ADAM10: variants seen among roughly 807,000 people sequenced by gnomAD.
The protein encoded by ADAM10 is ADAM metallopeptidase domain 10.
Under a neutral mutation model 90.1 loss-of-function variants are expected in ADAM10, and 17 were observed. That is an observed-to-expected ratio of 0.19 (90% CI 0.13 to 0.28). The LOEUF (loss-of-function observed/expected upper bound fraction) is 0.28, where lower values mean the gene tolerates loss of function less well. Ranked by LOEUF, ADAM10 falls within the 10% of genes least tolerant of loss-of-function variation. The pLI is 1.00. For missense variants in ADAM10, 610 were observed against 914.3 expected, an observed-to-expected ratio of 0.67 and a Z score of 4.29; for synonymous variants, 310 against 298.6, an observed-to-expected ratio of 1.04 and a Z score of -0.40.
At chr15:58,602,393 C>G (rs1895135158) in intron 14 of ADAM10, among the ~76,000 whole-genome samples, 1 of 152,106 alleles carries the variant, frequency 6.6e-6, no homozygotes, top group Non-Finnish European at 1.5e-5. Flanking sequence ...CACAGGGGTG[C>G]AATTCTCACC....
intron 2 of ADAM10, chr15:58,692,863 GCTT>G: frequency 1.5e-6 from 1 of 671,838 alleles, no homozygotes; most frequent in South Asian, 1.4e-5. Context: ...CTCCATAAAT[GCTT>G]CAGTACCAGA....
In ADAM10 at chr15:58,594,209, TAATG is replaced by T. The variant is rs1894892930; in HGVS notation, c.*3334_*3337del. ...GAAACCTTGACCCTTTAAATATGGA[TAATG>T]AATATCTCTTCTTGTACTCCTCCAG... On this transcript the variant is annotated 3_prime_UTR_variant, in exon 16 of 16. Coordinates refer to ENST00000260408, the MANE Select transcript of ADAM10 (RefSeq NM_001110.4). 6.6e-6 allele frequency: 1 copy of T among 152,198 alleles called. No individual in the cohort carries two copies. The highest frequency in any genetic ancestry group is 1.5e-5 in the Non-Finnish European group (1 of 68,028). The allele number at this position is 152,198 out of a possible 1,614,324, so 9.4% of individuals were successfully genotyped here. A position where few individuals can be genotyped will look rare whatever the true frequency, so the allele number is the denominator to read the frequency against.
At chr15:58,678,523 C>A (rs1897346554) in intron 4 of ADAM10, among the ~76,000 whole-genome samples, 1 of 152,054 alleles carries the variant, frequency 6.6e-6, no homozygotes. Flanking sequence ...TTCCCAATAA[C>A]TGGATAACTG....
intron 2 of ADAM10, among the ~76,000 whole-genome samples, chr15:58,713,575 A>G (rs56379250): frequency 0.082 from 12,527 of 152,264 alleles, 518 homozygotes; most frequent in East Asian, 0.096. Flanking sequence ...TAAGTGAGCA[A>G]TCCAATTCAT....
intron 2 of ADAM10, among the ~76,000 whole-genome samples, chr15:58,713,697 A>AGTAAGTATT (rs1315913541): frequency 2.6e-5 from 4 of 152,198 alleles, no homozygotes; most frequent in Non-Finnish European, 4.4e-5. Flanking sequence ...TTAATCTTCT[A>AGTAAGTATT]GTAAGTATTA....
At chr15:58,603,559 A>G (rs1392258402) in intron 14 of ADAM10, among the ~76,000 whole-genome samples, 2 of 152,132 alleles carry the variant, frequency 1.3e-5, no homozygotes, top group Non-Finnish European at 2.9e-5. Flanking sequence ...CATCTTCAAT[A>G]TATTTCCTTC....
At chr15:58,618,122 T>C (rs1178788074) in intron 11 of ADAM10, among the ~76,000 whole-genome samples, 1 of 152,084 alleles carries the variant, frequency 6.6e-6, no homozygotes, top group Non-Finnish European at 1.5e-5. Context: ...AATTTCAAAA[T>C]ATACTACAAA....
At chr15:58,734,798 T>C (rs998963228) in intron 1 of ADAM10, among the ~76,000 whole-genome samples, 3 of 151,672 alleles carry the variant, frequency 2.0e-5, no homozygotes, top group Non-Finnish European at 2.9e-5. Context: ...ACCTCTAAGA[T>C]GGGGAAAACA....
chr15:58,664,836 T>A (rs965532637), intron 5 of ADAM10, among the ~76,000 whole-genome samples: 2 of 152,152 alleles, frequency 1.3e-5, no homozygotes, highest in Non-Finnish European at 2.9e-5. Context: ...TATAAAACAT[T>A]TGTTTTCTTT....
chr15:58,610,977 C>T (rs201222248), intron 13 of ADAM10, 22 bp downstream of exon 13: 17 of 1,568,422 alleles, frequency 1.1e-5, no homozygotes, highest in Non-Finnish European at 1.3e-5. Flanking sequence ...ATTTTATACT[C>T]TTGTGTTTTT....
In ADAM10 at chr15:58,639,745, A is replaced by ATC. The variant is rs553648691; in HGVS notation, c.1012+1031_1012+1032insGA. Among the ~76,000 whole-genome samples the ATC allele has an allele frequency of 3.5e-3, 540 of 152,314 alleles. 4 individuals are homozygous for ATC. Among genetic ancestry groups the ATC allele is most frequent in the African/African-American group, 0.012 (519 of 41,580 alleles). On this transcript the variant is annotated intron_variant, in intron 8 of 15. Transcript: ENST00000260408. ...TGGAAATTGTAAAAGTATTGACTTA[A>ATC]GATACTGACTTTTAAAAAAGGAGAA... is the stretch of plus-strand genomic sequence containing the variant.
chr15:58,611,080 AT>A lies in ADAM10; in HGVS notation c.1722del (p.Lys574AsnfsTer4). The part of the protein sequence containing the change: ...NGQCAGSICE[K>X]YGLEECTCAS... Reference sequence around the variant, plus strand: ...GCACACGTACACTCCTCTAAGCCATATTTCTCACAGATAGAACCTGCACATT... The same window carrying A: ...GCACACGTACACTCCTCTAAGCCATATTCTCACAGATAGAACCTGCACATT... On this transcript the variant is annotated frameshift_variant, in exon 13 of 16. Transcript: ENST00000260408. LOFTEE classifies it high-confidence loss of function. 6.2e-7 allele frequency: 1 copy of A among 1,613,846 alleles called. No homozygotes were observed. The highest frequency in any genetic ancestry group is 8.5e-7 in the Non-Finnish European group (1 of 1,179,786).
intron 2 of ADAM10, chr15:58,692,584 G>C (rs1472884476): frequency 1.1e-5 from 6 of 554,404 alleles, no homozygotes; most frequent in Non-Finnish European, 1.8e-5. Flanking sequence ...TATGAACTGA[G>C]GGTGCTTCTT....
chr15:58,615,610 T>C (rs749700658), intron 11 of ADAM10, among the ~76,000 whole-genome samples: 23 of 152,172 alleles, frequency 1.5e-4, no homozygotes, highest in Non-Finnish European at 1.5e-4. Flanking sequence ...AAGACATATA[T>C]AGACTAAAAG....
chr15:58,646,021 G>A (rs200398498), intron 6 of ADAM10, 34 bp downstream of exon 6: 32 of 1,609,260 alleles, frequency 2.0e-5, no homozygotes, highest in African/African-American at 2.7e-5. Flanking sequence ...AAAACAATAT[G>A]GGAACTACTA....
At chr15:58,731,264 C>A (rs1218035173) in intron 1 of ADAM10, among the ~76,000 whole-genome samples, 5 of 152,134 alleles carry the variant, frequency 3.3e-5, no homozygotes, top group African/African-American at 9.7e-5. Flanking sequence ...TATGCTGAAT[C>A]CACACAAATG....
Position 58,597,333 on chromosome 15 carries a change from T to C in ADAM10, c.*214A>G, listed in dbSNP as rs201085268. 1.3e-4 allele frequency: 188 copies of C among 1,499,152 alleles called. No homozygotes were observed. In the South Asian group the frequency reaches 2.2e-3, roughly 18 times the overall value. The allele number at this position is 1,499,152 out of a possible 1,614,324, so 92.9% of individuals were successfully genotyped here. ...TTAAAAATATCTGTTCATAAGAAAA[T>C]TGGGTTCCTTTTCCACCTCCCACCC... On this transcript the variant is annotated 3_prime_UTR_variant, in exon 16 of 16. Coordinates refer to ENST00000260408, the MANE Select transcript of ADAM10 (RefSeq NM_001110.4).
chr15:58,606,575 T>C (rs994996779), intron 14 of ADAM10, among the ~76,000 whole-genome samples: 1 of 152,256 alleles, frequency 6.6e-6, no homozygotes, highest in African/African-American at 2.4e-5. Flanking sequence ...TTAAGTGCTA[T>C]GCTATGTGGT....
At chr15:58,665,051 A>G in intron 5 of ADAM10, 46 bp downstream of exon 5, 1 of 1,367,218 alleles carries the variant, frequency 7.3e-7, no homozygotes, top group Non-Finnish European at 1.0e-6. Flanking sequence ...TACATCCTCA[A>G]ATTCATTTCC....
Sources: gnomAD v4.1 joint callset for allele counts (sites outside exome capture counted in the v4.1 genomes callset) on GRCh38, gnomAD v4.1.1 for gene constraint, MANE v1.5 for transcripts, NCBI Gene and HGNC (gene_info 2026-07-23, HGNC 2026-07-21) for gene names.